The following RYR2 variants were observed in gnomAD, a reference collection of about 807,000 sequenced individuals.
The protein encoded by RYR2 is ryanodine receptor 2, also known as cardiac muscle ryanodine receptor-calcium release channel.
Under a neutral mutation model 601.1 loss-of-function variants are expected in RYR2, and 227 were observed. That is an observed-to-expected ratio of 0.38 (90% CI 0.34 to 0.42). The LOEUF (loss-of-function observed/expected upper bound fraction) is 0.42, where lower values mean the gene tolerates loss of function less well. RYR2 is among the 10% of genes least tolerant of loss of function. The pLI is 1.00. For missense variants in RYR2, 4,646 were observed against 6,156.5 expected, an observed-to-expected ratio of 0.75 and a Z score of 8.21; for synonymous variants, 2,223 against 2,175.1, an observed-to-expected ratio of 1.02 and a Z score of -0.61.
Position 237,717,202 on chromosome 1 carries a change from C to T in RYR2, c.10328C>T (p.Ala3443Val). The change falls in exon 72 of 105, where the codon GCT becomes GTT. Residue 3443 changes from alanine (A) to valine (V), a missense_variant. Physicochemically the swap from Ala to Val is moderately conservative, Grantham distance 64. Transcript: ENST00000366574. The part of the protein sequence containing the change: ...TDTKSKMSKA[A>V]VSDQERKKMK... ...GCACTTCTCTTTGTTCCATAGGCAGCTGTTTCTGATCAGGAAAGGAAGAAA... is the reference window on the plus strand; with the variant it reads ...GCACTTCTCTTTGTTCCATAGGCAGTTGTTTCTGATCAGGAAAGGAAGAAA... The T allele has an allele frequency of 6.2e-7, 1 of 1,613,294 alleles. No individual in the cohort carries two copies. The highest frequency in any genetic ancestry group is 1.1e-5 in the South Asian group (1 of 90,956).
At chr1:237,402,078 C>G (rs903831966) in intron 10 of RYR2, among the ~76,000 whole-genome samples, 1 of 152,134 alleles carries the variant, frequency 6.6e-6, no homozygotes, top group Admixed American at 6.5e-5. Flanking sequence ...ATTAGACACA[C>G]AGATAATGGA....
At chr1:237,646,208 G>T (rs898825477) in intron 48 of RYR2, among the ~76,000 whole-genome samples, 1 of 151,764 alleles carries the variant, frequency 6.6e-6, no homozygotes. Context: ...AGGTGTGGTG[G>T]TGCACGCCTG....
intron 62 of RYR2, among the ~76,000 whole-genome samples, chr1:237,682,226 T>C (rs1294701296): frequency 6.6e-6 from 1 of 152,156 alleles, no homozygotes; most frequent in Admixed American, 6.5e-5. Context: ...TTCATGGAAC[T>C]ATACACCAAA....
At chr1:237,265,097 C>G (rs1688920459) in intron 1 of RYR2, among the ~76,000 whole-genome samples, 1 of 152,080 alleles carries the variant, frequency 6.6e-6, no homozygotes, top group Admixed American at 6.6e-5. Context: ...GAGCACAAAA[C>G]AAAAGAATTA....
At chr1:237,643,502 T>C (rs1681793436) in intron 48 of RYR2, 55 bp downstream of exon 48, 1 of 1,609,606 alleles carries the variant, frequency 6.2e-7, no homozygotes, top group South Asian at 1.1e-5. Flanking sequence ...GACATCATGT[T>C]CTAAAGAATG....
chr1:237,220,938 TA>T (rs1005528880), intron 1 of RYR2, among the ~76,000 whole-genome samples: 2 of 151,770 alleles, frequency 1.3e-5, no homozygotes, highest in African/African-American at 4.8e-5. Flanking sequence ...AAAATAGTAA[TA>T]AAAAAATGTA....
intron 2 of RYR2, among the ~76,000 whole-genome samples, chr1:237,294,722 T>G (rs1692585697): frequency 6.6e-6 from 1 of 152,182 alleles, no homozygotes; most frequent in Non-Finnish European, 1.5e-5. Context: ...ATAATGCTTC[T>G]GGAGTGTATG....
In RYR2 at chr1:237,134,692, G is replaced by C. The variant is rs1672568744; in HGVS notation, c.48+92123G>C. ...CTTTAATGATAATCTATGTAAAGAT[G>C]ATCAGGGTGAAATAGAATTTAATAC... On this transcript the variant is annotated intron_variant, in intron 1 of 104. Coordinates refer to ENST00000366574, the MANE Select transcript of RYR2 (RefSeq NM_001035.3). Among the ~76,000 whole-genome samples the C allele has an allele frequency of 2.0e-5, 3 of 152,210 alleles. No individual in the cohort carries two copies. The South Asian group carries it at 6.2e-4, about 32-fold the overall frequency.
Position 237,462,363 on chromosome 1 carries a change from A to G in RYR2, c.1612+5628A>G, listed in dbSNP as rs1046369017. ...TTTCATGTGTTTTAGGTGGAGAATG[A>G]CAAAGGTAGATTTGTGAGCCTACTG... is the stretch of plus-strand genomic sequence containing the variant. On this transcript the variant is annotated intron_variant, in intron 16 of 104. Transcript: ENST00000366574. 3.3e-5 allele frequency among the ~76,000 whole-genome samples: 5 copies of G among 152,190 alleles called. No individual in the cohort carries two copies. The South Asian group carries it at 8.3e-4, about 25-fold the overall frequency.
At chr1:237,698,350 T>A (rs976035262) in intron 63 of RYR2, among the ~76,000 whole-genome samples, 2 of 152,160 alleles carry the variant, frequency 1.3e-5, no homozygotes, top group Admixed American at 6.6e-5. Flanking sequence ...CAAGAGGAGT[T>A]ACTACCATCT....
At chr1:237,416,541 T>G (rs1038642079) in intron 10 of RYR2, among the ~76,000 whole-genome samples, 2 of 152,224 alleles carry the variant, frequency 1.3e-5, no homozygotes, top group African/African-American at 4.8e-5. Context: ...TGCAGATTGC[T>G]GTGTTAAAAT....
intron 35 of RYR2, among the ~76,000 whole-genome samples, chr1:237,602,313 A>G (rs970791393): frequency 6.6e-6 from 1 of 152,112 alleles, no homozygotes; most frequent in African/African-American, 2.4e-5. Flanking sequence ...TTTAGTTATC[A>G]TATGTATATT....
At chr1:237,130,791 C>T (rs1443588516) in intron 1 of RYR2, among the ~76,000 whole-genome samples, 1 of 152,094 alleles carries the variant, frequency 6.6e-6, no homozygotes, top group Non-Finnish European at 1.5e-5. Context: ...TGTTAATTTT[C>T]TCTAGAGAAA....
chr1:237,697,349 A>ACATATAATATATATT (rs1687553757), intron 63 of RYR2, among the ~76,000 whole-genome samples: 1 of 142,680 alleles, frequency 7.0e-6, no homozygotes, highest in Non-Finnish European at 1.5e-5. Flanking sequence ...TATAGTATAT[A>ACATATAATATATATT]TATATAATAT....
At position 237,707,817 on chromosome 1, in the gene RYR2, G is replaced by A. The variant is rs531525998; in HGVS notation, c.9901+548G>A. ...ATGGAGTTTCACTCTTGTTGCCCAG[G>A]CAAGAGTGCAATGGTGAGATCTTGG... On this transcript the variant is annotated intron_variant, in intron 68 of 104. Coordinates refer to ENST00000366574, the MANE Select transcript of RYR2 (RefSeq NM_001035.3). 1.7e-3 allele frequency among the ~76,000 whole-genome samples: 264 copies of A among 152,214 alleles called. 1 individual carries two copies. The highest frequency in any genetic ancestry group is 6.0e-3 in the African/African-American group (250 of 41,532).
intron 40 of RYR2, 85 bp from the exon 41 acceptor site, chr1:237,627,720 TGG>T: frequency 1.5e-6 from 2 of 1,336,368 alleles, no homozygotes; most frequent in Non-Finnish European, 2.0e-6. Flanking sequence ...AATACCAATT[TGG>T]GGGTACAGGA....
chr1:237,534,774 T>C (rs1354400124), intron 25 of RYR2, among the ~76,000 whole-genome samples: 1 of 152,064 alleles, frequency 6.6e-6, no homozygotes, highest in Non-Finnish European at 1.5e-5. Context: ...TATACTCTTA[T>C]AAATGGATGA....
chr1:237,800,780 A>C (rs1659863758), intron 97 of RYR2, among the ~76,000 whole-genome samples: 1 of 152,216 alleles, frequency 6.6e-6, no homozygotes, highest in Non-Finnish European at 1.5e-5. Flanking sequence ...TAATCTGCAA[A>C]GATCACAAAT....
At position 237,114,052 on chromosome 1, in the gene RYR2, C is replaced by A. The variant is rs562586787; in HGVS notation, c.48+71483C>A. ...CCTGGGCATTTCTTTAGAAAGGGTGCAGAGACTTTCATTTCGTGAAAATAT... is the reference window on the plus strand; with the variant it reads ...CCTGGGCATTTCTTTAGAAAGGGTGAAGAGACTTTCATTTCGTGAAAATAT... On this transcript the variant is annotated intron_variant, in intron 1 of 104. Transcript: ENST00000366574. Among the ~76,000 whole-genome samples the A allele has an allele frequency of 4.7e-4, 72 of 152,282 alleles. 1 individual carries two copies. Among genetic ancestry groups the A allele is most frequent in the Non-Finnish European group, 8.5e-4 (58 of 68,034 alleles).
Sources: allele counts gnomAD v4.1 joint callset (sites outside exome capture counted in the v4.1 genomes callset), GRCh38; gene constraint gnomAD v4.1.1; transcripts MANE v1.5; gene names NCBI Gene and HGNC (gene_info 2026-07-23, HGNC 2026-07-21).